The following RRP9 variants were observed in gnomAD, a reference collection of about 807,000 sequenced individuals.
RRP9 encodes the protein ribosomal RNA processing 9, U3 small nucleolar RNA binding protein.
A neutral mutation model predicts 65.5 loss-of-function variants in RRP9; 35 were observed. The observed-to-expected ratio is 0.53, with a 90% CI of 0.41 to 0.71. The LOEUF (loss-of-function observed/expected upper bound fraction) is 0.71, where lower values mean the gene tolerates loss of function less well. Among genes scored for constraint, RRP9 ranks in the 30% least tolerant of loss-of-function variants. RRP9 has a pLI of 0.00. For missense variants in RRP9, 533 were observed against 633.6 expected (o/e 0.84, Z 1.70); for synonymous variants, 254 against 245.0 (o/e 1.04, Z -0.34).
At chr3:51,941,381 T>TCC in intron 2 of RRP9, 28 bp downstream of exon 2, 1 of 1,598,522 alleles carries the variant, frequency 6.3e-7, no homozygotes, top group Non-Finnish European at 8.6e-7. Context: ...CAGTTTTCCC[T>TCC]CCCACTATGT....
At chr3:51,935,311 T>C in intron 10 of RRP9, 31 bp downstream of exon 10, 2 of 1,614,022 alleles carry the variant, frequency 1.2e-6, no homozygotes, top group Admixed American at 3.3e-5. Context: ...CCAGCCCATG[T>C]AGCCCCCACT....
In RRP9 at chr3:51,934,810, G is replaced by A; in HGVS notation, c.1035-34C>T. 1 of 1,596,450 alleles carries A rather than the reference G, an allele frequency of 6.3e-7. No homozygotes were observed. ...AGGGAGGGAATACAGCAGTGAGGGG[G>A]CCAGAGGCAGAAAAGGCCCCCTGTG... is the stretch of plus-strand genomic sequence containing the variant. On this transcript the variant is annotated intron_variant, in intron 11 of 14. Transcript: ENST00000232888. This position sits in a 1 kb window ranked among gnomAD's most constrained non-coding sequence, Gnocchi z 4.1.
rs1699471851 is a variant in RRP9, at chr3:51,937,444, A to C, written c.390+101T>G. 1 of 1,605,214 alleles carries C rather than the reference A, an allele frequency of 6.2e-7. No individual in the cohort carries two copies. Among genetic ancestry groups the C allele is most frequent in the East Asian group, 2.2e-5 (1 of 44,796 alleles). ...GAAAACAAGACCCAAGGCTACAACAACCAGATCCTTACCTGACCAGATAGG... is the reference window on the plus strand; with the variant it reads ...GAAAACAAGACCCAAGGCTACAACACCCAGATCCTTACCTGACCAGATAGG... On this transcript the variant is annotated intron_variant, in intron 5 of 14. Transcript: ENST00000232888. This position sits in a 1 kb window ranked among gnomAD's most constrained non-coding sequence, Gnocchi z 5.0.
intron 6 of RRP9, 35 bp from the exon 7 acceptor site, chr3:51,936,590 G>C (rs781664738): frequency 1.2e-6 from 2 of 1,601,778 alleles, no homozygotes; most frequent in South Asian, 2.2e-5. Context: ...CTACTGGGAT[G>C]GGGGGATAGG....
chr3:51,941,277 GA>G, intron 2 of RRP9, 131 bp downstream of exon 2: 1 of 825,220 alleles, frequency 1.2e-6, no homozygotes, highest in Non-Finnish European at 2.0e-6. Flanking sequence ...GAAACTAAAG[GA>G]AACAGCCACG....
chr3:51,936,325 T>A lies in RRP9; in HGVS notation c.667A>T (p.Ile223Phe). The A allele has an allele frequency of 6.2e-7, 1 of 1,613,964 alleles. No homozygotes were observed. Among genetic ancestry groups the A allele is most frequent in the East Asian group, 2.2e-5 (1 of 44,866 alleles). ...CAGCTCTGGGCCTCCCAAATGAGAA[T>A]GAGCTTGCTGCGGTCACCAGAGGCC... ...YLASGDRSKL[I>F]LIWEAQSCQH... Residue 223 changes from isoleucine to phenylalanine, a missense_variant, in exon 8 of 15, where the codon ATT (isoleucine) becomes TTT (phenylalanine). Around this residue, in one of 3 missense-constraint regions of RRP9, gnomAD observed 449 missense variants for 550.6 expected, o/e 0.82. Transcript: ENST00000232888.
Position 51,935,231 on chromosome 3 carries a change from T to C in RRP9, c.1000A>G (p.Asn334Asp). ...QGSIDCIHLI[N>D]EEHMVSGADD... ...GCGCCGGACACCATGTGCTCCTCAT[T>C]GATTAGGTGGATGCAGTCGATGGAG... Residue 334 changes from asparagine to aspartate, a missense_variant, in exon 11 of 15, where the codon AAT (asparagine) becomes GAT (aspartate). By Grantham distance (23) the Asn-to-Asp change is conservative. Coordinates refer to ENST00000232888, the MANE Select transcript of RRP9 (RefSeq NM_004704.5). 1 of 1,614,052 alleles carries C rather than the reference T, an allele frequency of 6.2e-7. No individual in the cohort carries two copies. Among genetic ancestry groups the C allele is most frequent in the Non-Finnish European group, 8.5e-7 (1 of 1,180,002 alleles).
chr3:51,935,873 T>A (rs1477984153), intron 8 of RRP9, among the ~76,000 whole-genome samples, 181 bp from the exon 9 acceptor site: 1 of 152,216 alleles, frequency 6.6e-6, no homozygotes, highest in African/African-American at 2.4e-5. Flanking sequence ...TTTATTTATT[T>A]TTTTTAGCGA....
Position 51,935,673 on chromosome 3 carries a change from C to T in RRP9, c.755G>A (p.Gly252Asp), listed in dbSNP as rs757189817. 2.0e-5 allele frequency: 33 copies of T among 1,613,988 alleles called. No individual in the cohort carries two copies. The highest frequency in any genetic ancestry group is 2.8e-5 in the Non-Finnish European group (33 of 1,180,006). ...DAVSGLAFRR[G>D]THQLYSTSHD... is the part of the protein sequence containing the mutation. Reference sequence around the variant, plus strand: ...GGATGTGCTGTAGAGCTGGTGGGTGCCTCTGCGGAATGCCAGACCCTAAGG... The same window carrying T: ...GGATGTGCTGTAGAGCTGGTGGGTGTCTCTGCGGAATGCCAGACCCTAAGG... The change falls in exon 9 of 15, where the codon GGC (glycine) becomes GAC (aspartate). Residue 252 changes from glycine to aspartate, a missense_variant. Gly to Asp is a moderately conservative substitution (Grantham distance 94). This residue lies in a region of RRP9 where 449 missense variants were observed against 550.6 expected (regional missense o/e 0.82). Coordinates refer to ENST00000232888, the MANE Select transcript of RRP9 (RefSeq NM_004704.5).
Position 51,938,152 on chromosome 3 carries a change from C to A in RRP9, c.223G>T (p.Ala75Ser), listed in dbSNP as rs1234696512. ...EEEEEELEET[A>S]QEKKLRLAKL... is the part of the protein sequence containing the mutation. Reference sequence around the variant, plus strand: ...GCCAAGCGCAGCTTCTTTTCCTGTGCAGTTTCCTCCAGCTCCTCCTCCTCC... The same window carrying A: ...GCCAAGCGCAGCTTCTTTTCCTGTGAAGTTTCCTCCAGCTCCTCCTCCTCC... Residue 75 changes from alanine to serine, a missense_variant, in exon 3 of 15, where the codon GCA becomes TCA. Transcript: ENST00000232888. 6.2e-7 allele frequency: 1 copy of A among 1,601,634 alleles called. No individual in the cohort carries two copies. The highest frequency in any genetic ancestry group is 8.5e-7 in the Non-Finnish European group (1 of 1,175,992).
chr3:51,937,086 G>C lies in RRP9; in HGVS notation c.517+106C>G. 7.0e-7 allele frequency: 1 copy of C among 1,435,264 alleles called. No individual in the cohort carries two copies. The highest frequency in any genetic ancestry group is 1.8e-5 in the Admixed American group (1 of 54,258). The allele number at this position is 1,435,264 out of a possible 1,614,324, so 88.9% of individuals were successfully genotyped here. A position where few individuals can be genotyped will look rare whatever the true frequency, so the allele number is the denominator to read the frequency against. On this transcript the variant is annotated intron_variant, in intron 6 of 14. Coordinates refer to ENST00000232888, the MANE Select transcript of RRP9 (RefSeq NM_004704.5). The surrounding 1 kb of genome is among the most constrained non-coding windows in gnomAD (Gnocchi z 5.0). Reference sequence around the variant, plus strand: ...CTAGGGCAGCAAACCTGCCTCCAGAGACTTCCCCACTTCAGGGCTCAGCCT... The same window carrying C: ...CTAGGGCAGCAAACCTGCCTCCAGACACTTCCCCACTTCAGGGCTCAGCCT...
rs139612176 is a variant in RRP9 at position 51,935,962 on chromosome 3, G to A, written c.736-270C>T. 2.2e-3 allele frequency among the ~76,000 whole-genome samples: 334 copies of A among 152,272 alleles called. 3 individuals are homozygous for A. Among genetic ancestry groups the A allele is most frequent in the African/African-American group, 7.2e-3 (299 of 41,548 alleles). ...CTGCAGCCTCCATCTCCTGGGCTCA[G>A]ATGATCCTCCATCTCGGCCTCCCAA... is the stretch of plus-strand genomic sequence containing the variant. On this transcript the variant is annotated intron_variant, in intron 8 of 14. Transcript: ENST00000232888.
chr3:51,933,444 C>G lies in RRP9; in HGVS notation c.*62G>C. The stretch of plus-strand genomic sequence containing the variant: ...AAGAAACAAGGCCCAAAAGAGGAGG[C>G]TTTTAATACAAAGAGGGTGGGGCAT... On this transcript the variant is annotated 3_prime_UTR_variant, in exon 15 of 15. Coordinates refer to ENST00000232888, the MANE Select transcript of RRP9 (RefSeq NM_004704.5). The G allele has an allele frequency of 7.3e-7, 1 of 1,368,412 alleles. No homozygotes were observed. Among genetic ancestry groups the G allele is most frequent in the Non-Finnish European group, 1.0e-6 (1 of 980,920 alleles). 84.8% of individuals were successfully genotyped at this position (1,368,412 alleles called of 1,614,324 possible). A position where few individuals can be genotyped will look rare whatever the true frequency, so the allele number is the denominator to read the frequency against.
rs1375426378 is a variant in RRP9, at chr3:51,938,134, G to A, written c.241C>T (p.Arg81Cys). ...TGCTCTAGGTAGAGCTTGGCCAAGC[G>A]CAGCTTCTTTTCCTGTGCAGTTTCC... ...LEETAQEKKL[R>C]LAKLYLEQLR... The change falls in exon 3 of 15, where the codon CGC becomes TGC. Residue 81 changes from arginine (R) to cysteine (C), a missense_variant. This residue lies in a region of RRP9 where 449 missense variants were observed against 550.6 expected (regional missense o/e 0.82). Coordinates refer to ENST00000232888, the MANE Select transcript of RRP9 (RefSeq NM_004704.5). 5.6e-6 allele frequency: 9 copies of A among 1,608,370 alleles called. No individual in the cohort carries two copies. Among genetic ancestry groups the A allele is most frequent in the Middle Eastern group, 1.7e-4 (1 of 6,052 alleles).
intron 2 of RRP9, among the ~76,000 whole-genome samples, chr3:51,939,688 AAAG>A (rs928014872): frequency 6.6e-6 from 1 of 152,266 alleles, no homozygotes; most frequent in Admixed American, 6.5e-5. Context: ...TAATTTTTTA[AAAG>A]AAGAACAAAG....
Position 51,938,220 on chromosome 3 carries a change from G to C in RRP9, c.171-16C>G, listed in dbSNP as rs915149478. On this transcript the variant is annotated splice_polypyrimidine_tract_variant and intron_variant, in intron 2 of 14. Transcript: ENST00000232888. ...TGGAGCTAGGCTGTGGGCAGGAAGG[G>C]GCTGGGTCTGAGGGGCTCACCTTGT... The C allele has an allele frequency of 5.4e-5, 83 of 1,536,248 alleles. No homozygotes were observed. The highest frequency in any genetic ancestry group is 6.6e-5 in the Non-Finnish European group (75 of 1,143,600).
chr3:51,940,004 C>A (rs1224273305), intron 2 of RRP9, among the ~76,000 whole-genome samples: 3 of 152,212 alleles, frequency 2.0e-5, no homozygotes, highest in Non-Finnish European at 4.4e-5. Flanking sequence ...CGCCTATAAT[C>A]CCAGCACTCT....
Position 51,941,676 on chromosome 3 carries a change from C to T in RRP9, c.87+105G>A, listed in dbSNP as rs532017843. ...GGACGAAGCTGACTCCAGCAGGGGT[C>T]CAGGGCGAAGGGCTGGGGAAGGGCC... On this transcript the variant is annotated intron_variant, in intron 1 of 14. Transcript: ENST00000232888. 137 of 1,185,548 alleles carry T rather than the reference C, an allele frequency of 1.2e-4. No homozygotes were observed. The African/African-American group carries it at 1.9e-3, about 16-fold the overall frequency. 73.4% of individuals were successfully genotyped at this position (1,185,548 alleles called of 1,614,324 possible).
rs1340415695 is a variant in RRP9 at position 51,933,510 on chromosome 3, G to C, written c.1424C>G (p.Ser475Cys). 5 of 1,613,396 alleles carry C rather than the reference G, an allele frequency of 3.1e-6. No homozygotes were observed. In the South Asian group the frequency reaches 4.4e-5, roughly 14 times the overall value. ...TAAATAAGGAGGATAAGAGTGTCAG[G>C]AACCAGCAGCTGGGGGTACAGGGAC... Reference protein sequence around the residue: ...RRVPVPPAAGS With the variant: ...RRVPVPPAAGC The change falls in exon 15 of 15, where the codon TCC (serine) becomes TGC (cysteine). Residue 475 changes from serine (S) to cysteine (C), a missense_variant. Ser to Cys is a moderately radical substitution (Grantham distance 112, BLOSUM62 -1). Coordinates refer to ENST00000232888, the MANE Select transcript of RRP9 (RefSeq NM_004704.5).
Sources: allele counts gnomAD v4.1 joint callset (sites outside exome capture counted in the v4.1 genomes callset), GRCh38; gene constraint gnomAD v4.1.1; regional missense constraint gnomAD v4.1.1; non-coding constraint Gnocchi (gnomAD v3.1); transcripts MANE v1.5; gene names NCBI Gene and HGNC (gene_info 2026-07-23, HGNC 2026-07-21).